AKAP12: variants seen among roughly 807,000 people sequenced by gnomAD.
The protein encoded by AKAP12 is A-kinase anchor protein 12.
A neutral mutation model predicts 79.9 loss-of-function variants in AKAP12; 32 were observed. The ratio of observed to expected loss-of-function variants is 0.40; its 90% CI spans 0.30 to 0.54. The LOEUF (loss-of-function observed/expected upper bound fraction) is 0.54. AKAP12 is among the 20% of genes least tolerant of loss of function. The pLI, the probability that AKAP12 is intolerant of heterozygous loss-of-function variation, is 0.48. For synonymous variants in AKAP12, 808 were observed against 857.0 expected (o/e 0.94, Z 1.00); for missense variants, 2,074 against 2,177.0 (o/e 0.95, Z 0.94).
In AKAP12 at chr6:151,261,109, C is replaced by T. The variant is rs776662315; in HGVS notation, c.162+20385C>T. Reference sequence around the variant, plus strand: ...GGCATCTAAAAACCAATGGTTTGGCCGGCTTCAGTGGCTCATGCTTGTAAT... The same window carrying T: ...GGCATCTAAAAACCAATGGTTTGGCTGGCTTCAGTGGCTCATGCTTGTAAT... On this transcript the variant is annotated intron_variant, in intron 2 of 4. Transcript: ENST00000402676. Among the ~76,000 whole-genome samples the T allele has an allele frequency of 3.3e-5, 5 of 151,392 alleles. No individual in the cohort carries two copies. In the East Asian group the frequency reaches 5.9e-4, roughly 18 times the overall value.
At chr6:151,345,924 TGTGTGTGTGAGAGA>T (rs1172468496) in intron 3 of AKAP12, among the ~76,000 whole-genome samples, 1 of 103,928 alleles carries the variant, frequency 9.6e-6, no homozygotes. Flanking sequence ...TGTGTGTGTG[TGTGTGTGTGAGAGA>T]GAGAGAGAGA....
intron 2 of AKAP12, among the ~76,000 whole-genome samples, chr6:151,259,128 T>C (rs2114695194): frequency 6.6e-6 from 1 of 151,696 alleles, no homozygotes; most frequent in East Asian, 1.9e-4. Flanking sequence ...CACTGCAACC[T>C]CCACCTCCTG....
intron 3 of AKAP12, among the ~76,000 whole-genome samples, chr6:151,307,509 C>T (rs909967951): frequency 1.3e-5 from 2 of 152,182 alleles, no homozygotes; most frequent in African/African-American, 4.8e-5. Context: ...TGAACTATGC[C>T]ACCAAAGGGG....
At position 151,254,365 on chromosome 6, in the gene AKAP12, TG is replaced by T. The variant is rs869291968; in HGVS notation, c.162+13642del. On this transcript the variant is annotated intron_variant, in intron 2 of 4. Transcript: ENST00000402676. ...ATGGCAGTTTTAGATTAGTCTTTTTTGTTTGAGACGGAGTTTCACTCTGTTG... is the reference window on the plus strand; with the variant it reads ...ATGGCAGTTTTAGATTAGTCTTTTTTTTTGAGACGGAGTTTCACTCTGTTG... 3.3e-5 allele frequency among the ~76,000 whole-genome samples: 5 copies of T among 152,030 alleles called. No individual in the cohort carries two copies. The East Asian group carries it at 9.7e-4, about 29-fold the overall frequency.
chr6:151,308,273 C>T (rs572698546), intron 3 of AKAP12, among the ~76,000 whole-genome samples: 1 of 152,028 alleles, frequency 6.6e-6, no homozygotes, highest in African/African-American at 2.4e-5. Flanking sequence ...AGTGCAGTGG[C>T]ATGATTTCGG....
At chr6:151,319,113 A>G (rs934920570) in intron 3 of AKAP12, among the ~76,000 whole-genome samples, 1 of 152,082 alleles carries the variant, frequency 6.6e-6, no homozygotes, top group Non-Finnish European at 1.5e-5. Flanking sequence ...TGAGTTTTTA[A>G]TGTTTATTTT....
chr6:151,320,694 A>T (rs147946289), intron 3 of AKAP12, among the ~76,000 whole-genome samples: 2 of 152,058 alleles, frequency 1.3e-5, no homozygotes, highest in East Asian at 3.9e-4. Flanking sequence ...TACTGCATCC[A>T]TCTGTTTTGT....
Position 151,352,756 on chromosome 6 carries a change from G to T in AKAP12, c.4365G>T (p.Glu1455Asp), listed in dbSNP as rs943349852. 13 of 1,614,162 alleles carry T rather than the reference G, an allele frequency of 8.1e-6. No homozygotes were observed. Among genetic ancestry groups the T allele is most frequent in the Non-Finnish European group, 1.1e-5 (13 of 1,180,032 alleles). ...EPAGAHLVLE[E>D]KSSEKNEDFA... ...CAGGTGCACATTTAGTTCTGGAAGA[G>T]AAATCCTCTGAAAAAAATGAAGACT... Residue 1455 changes from glutamate to aspartate, a missense_variant, in exon 4 of 5, where the codon GAG becomes GAT. Glu to Asp is a conservative substitution (Grantham distance 45). This residue lies in a region of AKAP12 where 614 missense variants were observed against 665.6 expected (regional missense o/e 0.92). Coordinates refer to ENST00000402676, the MANE Select transcript of AKAP12 (RefSeq NM_005100.4).
chr6:151,282,849 A>C (rs1776435664), intron 2 of AKAP12, among the ~76,000 whole-genome samples: 1 of 152,120 alleles, frequency 6.6e-6, no homozygotes, highest in Non-Finnish European at 1.5e-5. Context: ...TAACTATATA[A>C]AGTGTATTAT....
At chr6:151,302,024 T>C (rs923904085) in intron 2 of AKAP12, among the ~76,000 whole-genome samples, 8 of 150,952 alleles carry the variant, frequency 5.3e-5, no homozygotes, top group African/African-American at 2.0e-4. Flanking sequence ...TTTTTCTTTT[T>C]TTTTTTTTAA....
rs977061686 is a variant in AKAP12, at chr6:151,353,743, C to T, written c.*3C>T. 4 of 1,558,800 alleles carry T rather than the reference C, an allele frequency of 2.6e-6. No individual in the cohort carries two copies. The highest frequency in any genetic ancestry group is 3.5e-6 in the Non-Finnish European group (4 of 1,154,274). ...AGTCAGAACTTACAGAATCTTAAAA[C>T]ATCATGCAGGTAAGCTTCCTTGTCT... is the stretch of plus-strand genomic sequence containing the variant. On this transcript the variant is annotated 3_prime_UTR_variant, in exon 4 of 5. Transcript: ENST00000402676.
At chr6:151,323,145 G>C (rs942794811) in intron 3 of AKAP12, among the ~76,000 whole-genome samples, 2 of 152,222 alleles carry the variant, frequency 1.3e-5, no homozygotes, top group African/African-American at 4.8e-5. Flanking sequence ...CGTGCACCCT[G>C]TCCTTGATCA....
At position 151,305,887 on chromosome 6, in the gene AKAP12, A is replaced by C; in HGVS notation, c.303A>C (p.Glu101Asp). Residue 101 changes from glutamate (E) to aspartate (D), a missense_variant, in exon 3 of 5, where the codon GAA becomes GAC. Physicochemically the swap from Glu to Asp is conservative, Grantham distance 45 (BLOSUM62 2). This residue lies in a region of AKAP12 where 1,428 missense variants were observed against 1,451.0 expected (regional missense o/e 0.98). Transcript: ENST00000402676. ...QGALNSQEEE[E>D]VIVTEVGQRD... ...CCCTAAACAGCCAGGAGGAAGAAGA[A>C]GTCATTGTCACAGAGGGTAAGCCGC... is the stretch of plus-strand genomic sequence containing the variant. The C allele has an allele frequency of 6.2e-7, 1 of 1,611,540 alleles. No individual in the cohort carries two copies. Among genetic ancestry groups the C allele is most frequent in the Non-Finnish European group, 8.5e-7 (1 of 1,178,842 alleles).
chr6:151,313,746 A>G (rs1777172285), intron 3 of AKAP12, among the ~76,000 whole-genome samples: 2 of 152,172 alleles, frequency 1.3e-5, no homozygotes, highest in African/African-American at 4.8e-5. Context: ...AACTAATTCT[A>G]GGGCGCTAGA....
chr6:151,313,805 A>G (rs1359473185), intron 3 of AKAP12, among the ~76,000 whole-genome samples: 1 of 152,164 alleles, frequency 6.6e-6, no homozygotes, highest in African/African-American at 2.4e-5. Context: ...TCTTGATTTG[A>G]ATACATTTCT....
At chr6:151,251,502 G>T (rs1361335601) in intron 2 of AKAP12, among the ~76,000 whole-genome samples, 1 of 152,126 alleles carries the variant, frequency 6.6e-6, no homozygotes, top group African/African-American at 2.4e-5. Flanking sequence ...TGGCATGGGG[G>T]TAAGTCACAA....
At chr6:151,284,062 T>C (rs1462163138) in intron 2 of AKAP12, among the ~76,000 whole-genome samples, 2 of 152,212 alleles carry the variant, frequency 1.3e-5, no homozygotes, top group Admixed American at 1.3e-4. Flanking sequence ...CTTAAGCGTA[T>C]AGCTTGGTGA....
In AKAP12 at chr6:151,351,782, G is replaced by C. The variant is rs142987485; in HGVS notation, c.3391G>C (p.Glu1131Gln). 3.2e-5 allele frequency: 52 copies of C among 1,614,050 alleles called. No individual in the cohort carries two copies. Among genetic ancestry groups the C allele is most frequent in the Non-Finnish European group, 6.8e-6 (8 of 1,180,036 alleles). Residue 1131 changes from glutamate to glutamine, a missense_variant, in exon 4 of 5, where the codon GAG becomes CAG. Physicochemically the swap from Glu to Gln is conservative, Grantham distance 29. Coordinates refer to ENST00000402676, the MANE Select transcript of AKAP12 (RefSeq NM_005100.4). The surrounding 1 kb of genome is among the most constrained non-coding windows in gnomAD (Gnocchi z 4.4). ...EKAPQVTESI[E>Q]SSELVTTCQA... Reference sequence around the variant, plus strand: ...AGCTCCTCAAGTCACAGAGAGCATAGAGTCCAGTGAGCTTGTAACCACTTG... The same window carrying C: ...AGCTCCTCAAGTCACAGAGAGCATACAGTCCAGTGAGCTTGTAACCACTTG...
In AKAP12 at chr6:151,356,429, A is replaced by G. The variant is rs1778441530; in HGVS notation, c.*715A>G. On this transcript the variant is annotated 3_prime_UTR_variant, in exon 5 of 5. Coordinates refer to ENST00000402676, the MANE Select transcript of AKAP12 (RefSeq NM_005100.4). ...TTTTCTTTCTAACCCAGTGGAGGTT[A>G]GAAAGAAGTTATATTCTGGTAGCAA... 1 of 152,306 alleles carries G rather than the reference A, an allele frequency of 6.6e-6. No homozygotes were observed. Among genetic ancestry groups the G allele is most frequent in the African/African-American group, 2.4e-5 (1 of 41,466 alleles). 9.4% of individuals were successfully genotyped at this position (152,306 alleles called of 1,614,324 possible).
Sources: allele counts gnomAD v4.1 joint callset (sites outside exome capture counted in the v4.1 genomes callset), GRCh38; gene constraint gnomAD v4.1.1; regional missense constraint gnomAD v4.1.1; non-coding constraint Gnocchi (gnomAD v3.1); transcripts MANE v1.5; gene names NCBI Gene and HGNC (gene_info 2026-07-23, HGNC 2026-07-21).